The following ALCAM variants were observed in gnomAD, a reference collection of about 807,000 sequenced individuals.
ALCAM encodes the protein CD166 antigen.
Under a neutral mutation model 70.9 loss-of-function variants are expected in ALCAM, and 30 were observed. That is an observed-to-expected ratio of 0.42 (90% CI 0.32 to 0.57). ALCAM has a LOEUF of 0.57. ALCAM is among the 20% of genes least tolerant of loss of function. ALCAM has a pLI of 0.11. For synonymous variants in ALCAM, 249 were observed against 242.5 expected (o/e 1.03, Z -0.25); for missense variants, 591 against 695.1 (o/e 0.85, Z 1.68).
intron 1 of ALCAM, among the ~76,000 whole-genome samples, chr3:105,383,525 G>T (rs1935578907): frequency 6.6e-6 from 1 of 151,688 alleles, no homozygotes; most frequent in Non-Finnish European, 1.5e-5. Context: ...GTATGAATAA[G>T]AAATATCTAC....
chr3:105,493,883 A>C (rs760335463), intron 1 of ALCAM, among the ~76,000 whole-genome samples: 55 of 152,352 alleles, frequency 3.6e-4, no homozygotes, highest in Non-Finnish European at 7.1e-4. Context: ...TTGGCCTCAC[A>C]ACAACTCTAA....
intron 12 of ALCAM, among the ~76,000 whole-genome samples, 199 bp from the exon 13 acceptor site, chr3:105,551,945 G>T (rs1008116950): frequency 1.3e-5 from 2 of 150,510 alleles, no homozygotes; most frequent in Non-Finnish European, 3.0e-5. Flanking sequence ...TGCAGTTGTA[G>T]CTCCTCTCCT....
intron 1 of ALCAM, among the ~76,000 whole-genome samples, chr3:105,442,511 G>A (rs935078187): frequency 1.3e-5 from 2 of 152,170 alleles, no homozygotes; most frequent in African/African-American, 4.8e-5. Context: ...GCCAGGCGCG[G>A]TGGCTCACGC....
chr3:105,394,799 A>G (rs1417294392), intron 1 of ALCAM, among the ~76,000 whole-genome samples: 7 of 151,952 alleles, frequency 4.6e-5, no homozygotes, highest in Non-Finnish European at 7.4e-5. Context: ...GCAGCCATAA[A>G]ACAAGCATGG....
At chr3:105,494,527 GTTGCTCCC>G (rs1457493875) in intron 1 of ALCAM, among the ~76,000 whole-genome samples, 2 of 150,984 alleles carry the variant, frequency 1.3e-5, no homozygotes, top group Non-Finnish European at 2.9e-5. Flanking sequence ...GGAAAACAAA[GTTGCTCCC>G]TCTTAAGAAA....
At chr3:105,531,008 A>G (rs1196577850) in intron 3 of ALCAM, among the ~76,000 whole-genome samples, 1 of 152,084 alleles carries the variant, frequency 6.6e-6, no homozygotes, top group African/African-American at 2.4e-5. Flanking sequence ...CAATAAGACT[A>G]TAAAAGAAAA....
At chr3:105,393,194 AT>A (rs1935866238) in intron 1 of ALCAM, among the ~76,000 whole-genome samples, 2 of 151,824 alleles carry the variant, frequency 1.3e-5, no homozygotes, top group African/African-American at 4.8e-5. Flanking sequence ...CCATTCTTAT[AT>A]TAGTCTATGT....
intron 7 of ALCAM, among the ~76,000 whole-genome samples, chr3:105,540,388 G>A (rs887552927): frequency 2.6e-5 from 4 of 151,980 alleles, no homozygotes; most frequent in African/African-American, 9.7e-5. Context: ...CTGCTCCTCA[G>A]AAGCAGATAA....
chr3:105,490,685 A>C (rs1442081678), intron 1 of ALCAM, among the ~76,000 whole-genome samples: 14 of 152,186 alleles, frequency 9.2e-5, no homozygotes, highest in Non-Finnish European at 2.1e-4. Flanking sequence ...GTCAAATCTT[A>C]AAGCTCCAAA....
intron 8 of ALCAM, among the ~76,000 whole-genome samples, chr3:105,542,988 TA>T (rs2152629684): frequency 6.6e-6 from 1 of 151,802 alleles, no homozygotes; most frequent in East Asian, 1.9e-4. Flanking sequence ...GAAAATAAAA[TA>T]ATGAAGAAAG....
intron 1 of ALCAM, among the ~76,000 whole-genome samples, chr3:105,478,716 A>T (rs1938188290): frequency 6.6e-6 from 1 of 152,172 alleles, no homozygotes; most frequent in East Asian, 1.9e-4. Flanking sequence ...AAAGGTAAAA[A>T]CTAAACTCTG....
At chr3:105,494,073 C>T (rs1938666515) in intron 1 of ALCAM, among the ~76,000 whole-genome samples, 1 of 145,094 alleles carries the variant, frequency 6.9e-6, no homozygotes, top group Non-Finnish European at 1.5e-5. Flanking sequence ...TTTAAGAGTT[C>T]TTGTTTTCAT....
At chr3:105,545,981 A>T (rs1337434322) in intron 9 of ALCAM, among the ~76,000 whole-genome samples, 1 of 151,484 alleles carries the variant, frequency 6.6e-6, no homozygotes. Context: ...TTAATTCAGT[A>T]TTCCCTGAAC....
intron 1 of ALCAM, among the ~76,000 whole-genome samples, chr3:105,488,725 G>C (rs1313438390): frequency 6.8e-6 from 1 of 146,120 alleles, no homozygotes; most frequent in Non-Finnish European, 1.5e-5. Flanking sequence ...GGAAGGGAGG[G>C]AGAAGGAGGG....
At chr3:105,531,238 A>T (rs965090149) in intron 3 of ALCAM, 5 of 152,104 alleles carry the variant, frequency 3.3e-5, no homozygotes, top group African/African-American at 1.2e-4. Flanking sequence ...GCAACTTTTA[A>T]TCAATTGCTC....
intron 1 of ALCAM, among the ~76,000 whole-genome samples, chr3:105,463,231 C>T (rs938015437): frequency 6.6e-6 from 1 of 151,420 alleles, no homozygotes; most frequent in Non-Finnish European, 1.5e-5. Context: ...ATTTCACCTC[C>T]CTCAGTCCTA....
intron 1 of ALCAM, among the ~76,000 whole-genome samples, chr3:105,378,683 C>T (rs1334911719): frequency 6.8e-6 from 1 of 148,138 alleles, no homozygotes; most frequent in East Asian, 2.0e-4. Flanking sequence ...AATAGCTTCT[C>T]TGATCATACT....
Position 105,486,404 on chromosome 3 carries a change from T to G in ALCAM, c.74-33663T>G, listed in dbSNP as rs140891405. 8.5e-5 allele frequency among the ~76,000 whole-genome samples: 13 copies of G among 152,276 alleles called. 1 individual carries two copies. In the East Asian group the frequency reaches 2.5e-3, roughly 29 times the overall value. On this transcript the variant is annotated intron_variant, in intron 1 of 15. Transcript: ENST00000306107. ...TCTGAATAAGACTATTGTACCAGTT[T>G]ATAAGGCTTGATATATTTTCTACCT...
At chr3:105,488,740 G>C (rs1300367223) in intron 1 of ALCAM, among the ~76,000 whole-genome samples, 1 of 148,712 alleles carries the variant, frequency 6.7e-6, no homozygotes, top group Non-Finnish European at 1.5e-5. Flanking sequence ...GGAGGGAGGG[G>C]AGGAAGGAGG....
Sources: allele counts gnomAD v4.1 joint callset (sites outside exome capture counted in the v4.1 genomes callset), GRCh38; gene constraint gnomAD v4.1.1; transcripts MANE v1.5; gene names NCBI Gene and HGNC (gene_info 2026-07-23, HGNC 2026-07-21).